Variants in NSD1 observed in about 807,000 individuals in gnomAD.
NSD1 encodes the protein nuclear receptor binding SET domain protein 1.
In NSD1, 26 loss-of-function variants were observed where a neutral mutation model predicts 242.7. The observed-to-expected ratio is 0.11, with a 90% CI of 0.08 to 0.15. The LOEUF (loss-of-function observed/expected upper bound fraction) is 0.15, where lower values mean the gene tolerates loss of function less well. NSD1 is among the 10% of genes least tolerant of loss of function. NSD1 has a pLI of 1.00. For synonymous variants in NSD1, 1,106 were observed against 1,178.1 expected (o/e 0.94, Z 1.25); for missense variants, 2,495 against 3,272.8 (o/e 0.76, Z 5.80).
In NSD1 at chr5:177,248,278, A is replaced by G; in HGVS notation, c.4595A>G (p.Gln1532Arg). Residue 1532 changes from glutamine to arginine, a missense_variant, in exon 11 of 23, where the codon CAG becomes CGG. Coordinates refer to ENST00000439151, the MANE Select transcript of NSD1 (RefSeq NM_022455.5). The stretch of plus-strand genomic sequence containing the variant: ...GGGATGCCTGCCTCTAAAAAAATGC[A>G]GGGTGAACGCGGTGGAGGAGCTGCA... ...DPGMPASKKM[Q>R]GERGGGAALK... The G allele has an allele frequency of 6.2e-7, 1 of 1,614,016 alleles. No homozygotes were observed. The highest frequency in any genetic ancestry group is 8.5e-7 in the Non-Finnish European group (1 of 1,179,964).
In NSD1 at chr5:177,210,962, G is replaced by A. The variant is rs752093886; in HGVS notation, c.2563G>A (p.Ala855Thr). 8.1e-6 allele frequency: 13 copies of A among 1,614,166 alleles called. No individual in the cohort carries two copies. The highest frequency in any genetic ancestry group is 1.6e-4 in the Middle Eastern group (1 of 6,062). The change falls in exon 5 of 23, where the codon GCA becomes ACA. Residue 855 changes from alanine to threonine, a missense_variant. By Grantham distance (58) the Ala-to-Thr change is moderately conservative. Transcript: ENST00000439151. ...CAGGGATTCAAGTGACATAGAAACA[G>A]CAGTGGTGAAACATGTTTTATCCGA... The part of the protein sequence containing the change: ...KTRDSSDIET[A>T]VVKHVLSELK...
At chr5:177,175,117 C>A (rs1292931129) in intron 2 of NSD1, among the ~76,000 whole-genome samples, 1 of 152,000 alleles carries the variant, frequency 6.6e-6, no homozygotes, top group African/African-American at 2.4e-5. Flanking sequence ...GTGATCCACT[C>A]GCCTCAGCCT....
chr5:177,209,963 A>G lies in NSD1; in HGVS notation c.1564A>G (p.Lys522Glu), dbSNP rs1763200853. The G allele has an allele frequency of 1.2e-6, 2 of 1,614,206 alleles. No individual in the cohort carries two copies. Among genetic ancestry groups the G allele is most frequent in the East Asian group, 4.5e-5 (2 of 44,888 alleles). Residue 522 changes from lysine (K) to glutamate (E), a missense_variant, in exon 5 of 23, where the codon AAA (lysine) becomes GAA (glutamate). By Grantham distance (56) the Lys-to-Glu change is moderately conservative (BLOSUM62 1). This residue lies in a region of NSD1 where 515 missense variants were observed against 467.0 expected (regional missense o/e 1.10). Transcript: ENST00000439151. ...KKGHIQFEAH[K>E]DERRGKIPEN... ...GGGCCACATACAATTTGAAGCACAT[A>G]AAGATGAACGGAGGGGAAAGATTCC...
chr5:177,150,294 T>G (rs923524595), intron 2 of NSD1, among the ~76,000 whole-genome samples: 2 of 152,032 alleles, frequency 1.3e-5, no homozygotes, highest in African/African-American at 2.4e-5. Context: ...CCACGACGCC[T>G]GGCTTTTTTG....
chr5:177,273,767 C>G lies in NSD1; in HGVS notation c.5605C>G (p.Pro1869Ala). Reference protein sequence around the residue: ...EDRKNDKKPPPYKHIKVNRPI... With the variant: ...EDRKNDKKPPAYKHIKVNRPI... Reference sequence around the variant, plus strand: ...CCGAAAGAATGACAAGAAGCCACCACCTTATAAACATATAAAGGTGAGGAG... The same window carrying G: ...CCGAAAGAATGACAAGAAGCCACCAGCTTATAAACATATAAAGGTGAGGAG... The change falls in exon 17 of 23, where the codon CCT (proline) becomes GCT (alanine). Residue 1869 changes from proline (P) to alanine (A), a missense_variant. This residue lies in a region of NSD1 where 114 missense variants were observed against 247.4 expected (regional missense o/e 0.46). Coordinates refer to ENST00000439151, the MANE Select transcript of NSD1 (RefSeq NM_022455.5). 6.2e-7 allele frequency: 1 copy of G among 1,612,378 alleles called. No homozygotes were observed. The highest frequency in any genetic ancestry group is 8.5e-7 in the Non-Finnish European group (1 of 1,178,654).
At chr5:177,201,903 A>G (rs1762534874) in intron 3 of NSD1, among the ~76,000 whole-genome samples, 6 of 150,176 alleles carry the variant, frequency 4.0e-5, no homozygotes, top group Admixed American at 3.3e-4. Context: ...GCGGTGGCTC[A>G]CGCCTGTAAT....
chr5:177,290,408 ATT>A (rs573014778), intron 21 of NSD1, among the ~76,000 whole-genome samples: 29 of 139,296 alleles, frequency 2.1e-4, no homozygotes, highest in African/African-American at 4.2e-4. Flanking sequence ...GAGTAAATAA[ATT>A]TTTTTTTTTT....
In NSD1 at chr5:177,239,868, A is replaced by G; in HGVS notation, c.4302+3A>G. On this transcript the variant is annotated splice_donor_region_variant and intron_variant, in intron 8 of 22. Coordinates refer to ENST00000439151, the MANE Select transcript of NSD1 (RefSeq NM_022455.5). ...GGGACCTTGGCCTTTCTAAAAAGGT[A>G]TGTTATTTTTGTAAGTTCTAAAAGA... The G allele has an allele frequency of 6.4e-7, 1 of 1,558,838 alleles. No individual in the cohort carries two copies. Among genetic ancestry groups the G allele is most frequent in the Non-Finnish European group, 8.8e-7 (1 of 1,130,686 alleles).
chr5:177,194,514 A>C (rs2149824378), intron 3 of NSD1, among the ~76,000 whole-genome samples: 1 of 147,732 alleles, frequency 6.8e-6, no homozygotes, highest in South Asian at 2.2e-4. Context: ...TCCTGAGCTT[A>C]ATAAGGGATC....
intron 3 of NSD1, among the ~76,000 whole-genome samples, 191 bp downstream of exon 3, chr5:177,192,210 T>TTTTG: frequency 6.6e-6 from 1 of 152,184 alleles, no homozygotes; most frequent in Admixed American, 6.5e-5. Flanking sequence ...AGTTTTTTTT[T>TTTTG]TTTGTTTGTT....
intron 2 of NSD1, among the ~76,000 whole-genome samples, chr5:177,145,482 C>T (rs1199968103): frequency 6.6e-6 from 1 of 152,134 alleles, no homozygotes; most frequent in Admixed American, 6.6e-5. Context: ...CAGGGTCTTG[C>T]TATGTTGCCC....
In NSD1 at chr5:177,297,356, A is replaced by G. The variant is rs1760317813; in HGVS notation, c.*1897A>G. The G allele has an allele frequency of 4.3e-6, 1 of 230,498 alleles. No homozygotes were observed. The highest frequency in any genetic ancestry group is 8.6e-6 in the Non-Finnish European group (1 of 116,466). The allele number at this position is 230,498 out of a possible 1,614,324, so 14.3% of individuals were successfully genotyped here. ...AAAGCATCTTATTTTCTTTTAAAAG[A>G]ATTTTAAACCATGAAAAAGATATTT... is the stretch of plus-strand genomic sequence containing the variant. On this transcript the variant is annotated 3_prime_UTR_variant, in exon 23 of 23. Transcript: ENST00000439151.
intron 4 of NSD1, 65 bp downstream of exon 4, chr5:177,204,357 CTCT>C: frequency 6.9e-7 from 1 of 1,451,364 alleles, no homozygotes; most frequent in Non-Finnish European, 9.6e-7. Context: ...AGAAAATGGC[CTCT>C]TATTTATTTT....
At chr5:177,247,500 G>A (rs1395114293) in intron 10 of NSD1, among the ~76,000 whole-genome samples, 1 of 151,572 alleles carries the variant, frequency 6.6e-6, no homozygotes, top group Non-Finnish European at 1.5e-5. Flanking sequence ...GCTGAGGTGG[G>A]AGGATCATAT....
At chr5:177,201,789 C>A (rs979406939) in intron 3 of NSD1, among the ~76,000 whole-genome samples, 8 of 151,602 alleles carry the variant, frequency 5.3e-5, no homozygotes, top group African/African-American at 1.9e-4. Flanking sequence ...GAACTCCTGA[C>A]CTCAGGTGAT....
chr5:177,207,891 CA>C (rs1763020100), intron 4 of NSD1, among the ~76,000 whole-genome samples: 1 of 151,732 alleles, frequency 6.6e-6, no homozygotes, highest in African/African-American at 2.4e-5. Context: ...CATATGCATG[CA>C]GCATGTCCAG....
At chr5:177,270,634 C>T (rs1433090612) in intron 16 of NSD1, among the ~76,000 whole-genome samples, 1 of 152,198 alleles carries the variant, frequency 6.6e-6, no homozygotes, top group Non-Finnish European at 1.5e-5. Context: ...GATGGGATTA[C>T]ATCCAGGTAA....
chr5:177,204,053 CT>C, intron 3 of NSD1, 66 bp from the exon 4 acceptor site: 1 of 1,430,506 alleles, frequency 7.0e-7, no homozygotes, highest in South Asian at 1.2e-5. Flanking sequence ...AATGATGTGG[CT>C]GTTCTCTTAA....
At chr5:177,212,406 A>C (rs1489771804) in intron 5 of NSD1, among the ~76,000 whole-genome samples, 1 of 152,102 alleles carries the variant, frequency 6.6e-6, no homozygotes, top group Non-Finnish European at 1.5e-5. Context: ...CTTTACCAGA[A>C]GCCCTTTTCC....
Sources: allele counts gnomAD v4.1 joint callset (sites outside exome capture counted in the v4.1 genomes callset), GRCh38; gene constraint gnomAD v4.1.1; regional missense constraint gnomAD v4.1.1; transcripts MANE v1.5; gene names NCBI Gene and HGNC (gene_info 2026-07-23, HGNC 2026-07-21).